TMEM236: variants seen among roughly 807,000 people sequenced by gnomAD.
The protein encoded by TMEM236 is transmembrane protein 236, also known as family with sequence similarity 23, member A.
A neutral mutation model predicts 14.7 loss-of-function variants in TMEM236; 11 were observed. That is an observed-to-expected ratio of 0.75 (90% CI 0.47 to 1.24). TMEM236 has a LOEUF of 1.24. Ranked by LOEUF, TMEM236 falls within the 50% of genes most tolerant of loss-of-function variation. TMEM236 has a pLI of 0.00. For missense variants in TMEM236, 464 were observed against 427.3 expected, an observed-to-expected ratio of 1.09 and a Z score of -0.76; for synonymous variants, 182 against 168.6, an observed-to-expected ratio of 1.08 and a Z score of -0.62.
chr10:17,776,583 C>G (rs1412304790), intron 3 of TMEM236, among the ~76,000 whole-genome samples: 3 of 152,168 alleles, frequency 2.0e-5, no homozygotes, highest in African/African-American at 7.2e-5. Context: ...TAGTTGTGTC[C>G]TAGATAATCA....
At chr10:17,768,085 G>GTTTTTTTTTTGTTTTTTTT (rs1181734908) in intron 1 of TMEM236, among the ~76,000 whole-genome samples, 3 of 98,830 alleles carry the variant, frequency 3.0e-5, no homozygotes, top group African/African-American at 1.2e-4. Flanking sequence ...TAATTTTTGT[G>GTTTTTTTTTTGTTTTTTTT]GTTTTTTTTT....
At chr10:17,794,561 A>C (rs1382015389) in intron 3 of TMEM236, among the ~76,000 whole-genome samples, 1 of 151,994 alleles carries the variant, frequency 6.6e-6, no homozygotes, top group Non-Finnish European at 1.5e-5. Flanking sequence ...GCACACACAC[A>C]CACAATGGTG....
intron 3 of TMEM236, among the ~76,000 whole-genome samples, chr10:17,788,636 C>T (rs1254295571): frequency 6.6e-6 from 1 of 151,662 alleles, no homozygotes; most frequent in African/African-American, 2.4e-5. Flanking sequence ...AACCACCTAG[C>T]TTTCTAGTTG....
At chr10:17,784,791 G>A (rs1008631381) in intron 3 of TMEM236, among the ~76,000 whole-genome samples, 1 of 152,172 alleles carries the variant, frequency 6.6e-6, no homozygotes, top group Non-Finnish European at 1.5e-5. Context: ...TGAGAACAAT[G>A]GAGATGGATA....
chr10:17,775,370 G>T (rs1837642989), intron 2 of TMEM236, among the ~76,000 whole-genome samples: 1 of 152,170 alleles, frequency 6.6e-6, no homozygotes, highest in Non-Finnish European at 1.5e-5. Flanking sequence ...GACCTCCTGG[G>T]CTCAAGTGAT....
chr10:17,794,483 A>G (rs1294607279), intron 3 of TMEM236, among the ~76,000 whole-genome samples: 1 of 143,936 alleles, frequency 6.9e-6, no homozygotes, highest in Non-Finnish European at 1.5e-5. Context: ...GAGATTTGAG[A>G]ATTTGTACAT....
At chr10:17,781,241 G>C (rs1236579278) in intron 3 of TMEM236, among the ~76,000 whole-genome samples, 3 of 152,104 alleles carry the variant, frequency 2.0e-5, no homozygotes, top group Non-Finnish European at 4.4e-5. Flanking sequence ...TCATTAAAAG[G>C]AAAACCTTAC....
intron 1 of TMEM236, among the ~76,000 whole-genome samples, chr10:17,761,351 C>T (rs35884983): frequency 2.0e-5 from 3 of 151,932 alleles, no homozygotes; most frequent in Admixed American, 6.6e-5. Context: ...TTTTCTCCCC[C>T]CTGCATTCCC....
intron 1 of TMEM236, among the ~76,000 whole-genome samples, chr10:17,765,172 C>A (rs1333510858): frequency 6.6e-6 from 1 of 152,036 alleles, no homozygotes; most frequent in South Asian, 2.1e-4. Context: ...AGAGTCTCCC[C>A]TTACACCCTG....
At chr10:17,766,725 T>G (rs993993420) in intron 1 of TMEM236, among the ~76,000 whole-genome samples, 1 of 152,212 alleles carries the variant, frequency 6.6e-6, no homozygotes, top group African/African-American at 2.4e-5. Context: ...CCTGGATGGC[T>G]TGAGCAACAG....
rs982866195 is a variant in TMEM236, at chr10:17,799,021, C to A, written c.*2517C>A. On this transcript the variant is annotated 3_prime_UTR_variant, in exon 4 of 4. Transcript: ENST00000377495. ...AATCTTAAGGTTACTTCAGACTATA[C>A]TTTTTCATCGAGGAGTATTGTATTC... 7 of 268,060 alleles carry A rather than the reference C, an allele frequency of 2.6e-5. No homozygotes were observed. The highest frequency in any genetic ancestry group is 5.1e-5 in the Non-Finnish European group (7 of 138,374). The allele number at this position is 268,060 out of a possible 1,614,324, so 16.6% of individuals were successfully genotyped here. A position where few individuals can be genotyped will look rare whatever the true frequency, so the allele number is the denominator to read the frequency against.
chr10:17,800,765 A>G lies in TMEM236; in HGVS notation c.*4261A>G, dbSNP rs2130548716. 1 of 152,342 alleles carries G rather than the reference A, an allele frequency of 6.6e-6. No individual in the cohort carries two copies. Among genetic ancestry groups the G allele is most frequent in the South Asian group, 2.1e-4 (1 of 4,826 alleles). The allele number at this position is 152,342 out of a possible 1,614,324, so 9.4% of individuals were successfully genotyped here. On this transcript the variant is annotated 3_prime_UTR_variant, in exon 4 of 4. Transcript: ENST00000377495. ...AAAAATGGCTACTTATACTCCATAG[A>G]AGATATAGTAAATAATAGAAGAAAA...
intron 3 of TMEM236, among the ~76,000 whole-genome samples, chr10:17,780,913 A>G (rs892414472): frequency 2.0e-5 from 3 of 152,182 alleles, no homozygotes; most frequent in Non-Finnish European, 4.4e-5. Flanking sequence ...TCTGATTTAC[A>G]TAGGGCTCAG....
In TMEM236 at chr10:17,796,594, C is replaced by T; in HGVS notation, c.*90C>T. The stretch of plus-strand genomic sequence containing the variant: ...TTTTCTTGGGGCGTAGGTGTTTGCA[C>T]TATAAAGGAAATGACTAGATTGTAG... On this transcript the variant is annotated 3_prime_UTR_variant, in exon 4 of 4. Coordinates refer to ENST00000377495, the MANE Select transcript of TMEM236 (RefSeq NM_001098844.3). The T allele has an allele frequency of 8.5e-7, 1 of 1,174,968 alleles. No homozygotes were observed. The highest frequency in any genetic ancestry group is 1.2e-6 in the Non-Finnish European group (1 of 800,372). The allele number at this position is 1,174,968 out of a possible 1,614,324, so 72.8% of individuals were successfully genotyped here.
At chr10:17,783,350 T>C (rs1394072849) in intron 3 of TMEM236, among the ~76,000 whole-genome samples, 2 of 152,136 alleles carry the variant, frequency 1.3e-5, no homozygotes, top group Non-Finnish European at 2.9e-5. Context: ...GAGAGCCGCA[T>C]GGTCAGAGAT....
chr10:17,774,954 T>A lies in TMEM236; in HGVS notation c.331-1075T>A, dbSNP rs868938561. Among the ~76,000 whole-genome samples, 573 of 152,212 alleles carry A rather than the reference T, an allele frequency of 3.8e-3. 1 individual carries two copies. The highest frequency in any genetic ancestry group is 0.013 in the African/African-American group (539 of 41,532). On this transcript the variant is annotated intron_variant, in intron 2 of 3. Transcript: ENST00000377495. ...CTGGGACCACTGGCATGTGCCACCA[T>A]GCCTGGCTAATTTTTTTTGTATTTT... is the stretch of plus-strand genomic sequence containing the variant.
intron 2 of TMEM236, among the ~76,000 whole-genome samples, chr10:17,774,547 G>A (rs782641993): frequency 0.15 from 23,264 of 152,078 alleles, 1,879 homozygotes; most frequent in Non-Finnish European, 0.17. Context: ...TAAATCAAGT[G>A]TAGATATACA....
chr10:17,796,529 C>G lies in TMEM236; in HGVS notation c.*25C>G, dbSNP rs1838018122. The G allele has an allele frequency of 3.8e-5, 59 of 1,560,574 alleles. No homozygotes were observed. The South Asian group carries it at 4.6e-4, about 12-fold the overall frequency. ...AAAAGGAAATGGGATCTAGTAAGGC[C>G]TCTTTGTGATACCTGTGTGCACATT... On this transcript the variant is annotated 3_prime_UTR_variant, in exon 4 of 4. Coordinates refer to ENST00000377495, the MANE Select transcript of TMEM236 (RefSeq NM_001098844.3).
At position 17,796,111 on chromosome 10, in the gene TMEM236, C is replaced by T; in HGVS notation, c.663C>T (p.Asp221=). Residue 221 remains aspartate, a synonymous_variant, in exon 4 of 4, where the codon GAC becomes GAT. Transcript: ENST00000377495. The part of the protein sequence containing the change: ...VFMGPQEPSC[D]SGILRMMSRR... ...TGGGACCCCAGGAGCCCTCCTGTGA[C>T]TCCGGAATCCTGAGAATGATGTCCC... 4.3e-6 allele frequency: 7 copies of T among 1,613,902 alleles called. No homozygotes were observed. The highest frequency in any genetic ancestry group is 5.9e-6 in the Non-Finnish European group (7 of 1,179,866).
Sources: allele counts gnomAD v4.1 joint callset (sites outside exome capture counted in the v4.1 genomes callset), GRCh38; gene constraint gnomAD v4.1.1; transcripts MANE v1.5; gene names NCBI Gene and HGNC (gene_info 2026-07-23, HGNC 2026-07-21).